Variants in ZFP82 observed in about 807,000 individuals in gnomAD.
The protein encoded by ZFP82 is zinc finger protein 82 homolog.
ZFP82 carries 30 observed loss-of-function variants against 54.0 expected under a neutral mutation model. That is an observed-to-expected ratio of 0.56 (90% CI 0.42 to 0.75). The LOEUF is 0.75. Among genes scored for constraint, ZFP82 ranks in the 30% least tolerant of loss-of-function variants. The pLI, the probability that ZFP82 is intolerant of heterozygous loss-of-function variation, is 0.00. For synonymous variants in ZFP82, 194 were observed against 209.5 expected, an observed-to-expected ratio of 0.93 and a Z score of 0.64; for missense variants, 500 against 636.8, an observed-to-expected ratio of 0.79 and a Z score of 2.31.
In ZFP82 at chr19:36,393,663, T is replaced by TA. The variant is rs1568483499; in HGVS notation, c.676dup (p.Tyr226LeufsTer2). The TA allele has an allele frequency of 3.1e-6, 5 of 1,614,184 alleles. No individual in the cohort carries two copies. The South Asian group carries it at 4.4e-5, about 14-fold the overall frequency. ...AGCTTCCCCACATTCCTTACATTCA[T>TA]AGAGTTTTTCACCAGAATGAAGTCT... On this transcript the variant is annotated frameshift_variant, in exon 5 of 5. Transcript: ENST00000392161. LOFTEE classifies it high-confidence loss of function.
In ZFP82 at chr19:36,390,335, T is replaced by C. The variant is rs2032175278; in HGVS notation, c.*2406A>G. ...AGTGTAGGATTCCATTTTTGTCTTT[T>C]TTTTTTTTTTTTTTGACATGTATTG... On this transcript the variant is annotated 3_prime_UTR_variant, in exon 5 of 5. Transcript: ENST00000392161. 6.6e-6 allele frequency: 1 copy of C among 150,976 alleles called. No individual in the cohort carries two copies. The highest frequency in any genetic ancestry group is 2.4e-5 in the African/African-American group (1 of 41,156). 9.4% of individuals were successfully genotyped at this position (150,976 alleles called of 1,614,324 possible).
intron 1 of ZFP82, among the ~76,000 whole-genome samples, chr19:36,410,714 G>A (rs376471446): frequency 6.6e-6 from 1 of 151,770 alleles, no homozygotes; most frequent in East Asian, 1.9e-4. Context: ...TATTCACCAG[G>A]CTGGTCTCGA....
intron 4 of ZFP82, among the ~76,000 whole-genome samples, chr19:36,403,195 C>T (rs2032419480): frequency 6.6e-6 from 1 of 151,474 alleles, no homozygotes. Flanking sequence ...TGGTGGCAGG[C>T]ACCTGTAATC....
chr19:36,389,297 CA>C lies in ZFP82; in HGVS notation c.*3443del, dbSNP rs1450246195. 6.6e-6 allele frequency among the ~76,000 whole-genome samples: 1 copy of C among 152,118 alleles called. No individual in the cohort carries two copies. Among genetic ancestry groups the C allele is most frequent in the Non-Finnish European group, 1.5e-5 (1 of 68,024 alleles). The stretch of plus-strand genomic sequence containing the variant: ...AAATGATCCACCCACCTTGGCCTCC[CA>C]AAGTACTGCGATTACAGGCATGAGC... On this transcript the variant is annotated 3_prime_UTR_variant, in exon 5 of 5. Coordinates refer to ENST00000392161, the MANE Select transcript of ZFP82 (RefSeq NM_133466.4).
rs185421010 is a variant in ZFP82 at position 36,415,976 on chromosome 19, A to C, written c.-79+2516T>G. On this transcript the variant is annotated intron_variant, in intron 1 of 4. Coordinates refer to ENST00000392161, the MANE Select transcript of ZFP82 (RefSeq NM_133466.4). ...CAGACAGAACAGTGTGGTAAACAAC[A>C]GTTTATCTTTTTTTCTCCACTAAGA... 1.2e-3 allele frequency among the ~76,000 whole-genome samples: 190 copies of C among 152,358 alleles called. 1 individual carries two copies. The highest frequency in any genetic ancestry group is 4.4e-3 in the African/African-American group (185 of 41,590).
intron 2 of ZFP82, 142 bp from the exon 3 acceptor site, chr19:36,408,155 A>T: frequency 1.1e-6 from 1 of 891,442 alleles, no homozygotes; most frequent in Non-Finnish European, 1.7e-6. Flanking sequence ...CAACACAGCG[A>T]GTCAGGAAAT....
chr19:36,393,462 T>G lies in ZFP82; in HGVS notation c.878A>C (p.Gln293Pro). Residue 293 changes from glutamine (Q) to proline (P), a missense_variant, in exon 5 of 5, where the codon CAG becomes CCG. Transcript: ENST00000392161. ...VCKECGKAFR[Q>P]YAHLTRHQKL... The stretch of plus-strand genomic sequence containing the variant: ...CTGATGCCGAGTCAGGTGTGCGTAC[T>G]GTCTAAAGGCTTTTCCACACTCTTT... 1 of 1,613,956 alleles carries G rather than the reference T, an allele frequency of 6.2e-7. No homozygotes were observed.
intron 1 of ZFP82, among the ~76,000 whole-genome samples, chr19:36,415,684 C>A (rs1600113212): frequency 6.6e-6 from 1 of 152,148 alleles, no homozygotes; most frequent in African/African-American, 2.4e-5. Context: ...CTGCGCCCAG[C>A]CAATTAAACT....
In ZFP82 at chr19:36,393,234, T is replaced by C. The variant is rs2032234400; in HGVS notation, c.1106A>G (p.Lys369Arg). 2.5e-6 allele frequency: 4 copies of C among 1,613,946 alleles called. No individual in the cohort carries two copies. Among genetic ancestry groups the C allele is most frequent in the Non-Finnish European group, 3.4e-6 (4 of 1,180,028 alleles). ...ACGGCTAAAGGTCTTTCCACATTCC[T>C]TACATTCATAGGGTTTCTCACCAGT... is the stretch of plus-strand genomic sequence containing the variant. ...IHTGEKPYEC[K>R]ECGKTFSRGY... Residue 369 changes from lysine (K) to arginine (R), a missense_variant, in exon 5 of 5, where the codon AAG becomes AGG. Transcript: ENST00000392161.
In ZFP82 at chr19:36,392,863, G is replaced by C; in HGVS notation, c.1477C>G (p.Leu493Val). Residue 493 changes from leucine to valine, a missense_variant, in exon 5 of 5, where the codon CTT (leucine) becomes GTT (valine). Leu to Val is a conservative substitution (Grantham distance 32). Coordinates refer to ENST00000392161, the MANE Select transcript of ZFP82 (RefSeq NM_133466.4). The stretch of plus-strand genomic sequence containing the variant: ...GAATGAATTCTCAGATGTTGAATAA[G>C]GGATGAATTAAGTCTAAAGGCCTTC... ...CRKAFRLNSSLIQHLRIHSGE... is the reference protein window; with the variant it reads ...CRKAFRLNSSVIQHLRIHSGE... 1 of 1,613,814 alleles carries C rather than the reference G, an allele frequency of 6.2e-7. No homozygotes were observed.
intron 2 of ZFP82, 71 bp from the exon 3 acceptor site, chr19:36,408,084 G>A (rs2032515708): frequency 6.5e-7 from 1 of 1,548,034 alleles, no homozygotes; most frequent in Non-Finnish European, 8.8e-7. Context: ...GAGAAAAGAA[G>A]GAAGAGATAT....
intron 1 of ZFP82, among the ~76,000 whole-genome samples, chr19:36,413,770 C>T (rs951713805): frequency 1.3e-5 from 2 of 152,098 alleles, no homozygotes; most frequent in South Asian, 4.1e-4. Flanking sequence ...ACAGTACCTA[C>T]CTTATAGGGT....
intron 3 of ZFP82, among the ~76,000 whole-genome samples, chr19:36,406,473 T>C (rs1484797829): frequency 6.6e-6 from 1 of 152,236 alleles, no homozygotes; most frequent in African/African-American, 2.4e-5. Flanking sequence ...TTTCTGGGCA[T>C]TTCATATAAA....
intron 3 of ZFP82, among the ~76,000 whole-genome samples, chr19:36,406,499 T>C (rs1434528898): frequency 1.3e-5 from 2 of 152,242 alleles, no homozygotes; most frequent in South Asian, 2.1e-4. Flanking sequence ...TCATATAATA[T>C]GTAATCTTTT....
downstream of ZFP82, among the ~76,000 whole-genome samples, chr19:36,386,283 T>C (rs913834287): frequency 1.3e-5 from 2 of 152,232 alleles, no homozygotes; most frequent in East Asian, 3.8e-4. Context: ...TGTAAGCTTG[T>C]GGTGGCAGCA....
Position 36,393,979 on chromosome 19 carries a change from A to G in ZFP82, c.361T>C (p.Trp121Arg), listed in dbSNP as rs144032300. ...GLKGLILKNDWESTGKIEGQE... is the reference protein window; with the variant it reads ...GLKGLILKNDRESTGKIEGQE... ...CCTTCAATTTTTCCTGTGGATTCCC[A>G]ATCATTTTTTAAAATGAGACCCTTA... Residue 121 changes from tryptophan to arginine, a missense_variant, in exon 5 of 5, where the codon TGG becomes CGG. Coordinates refer to ENST00000392161, the MANE Select transcript of ZFP82 (RefSeq NM_133466.4). The G allele has an allele frequency of 1.5e-5, 25 of 1,613,526 alleles. No individual in the cohort carries two copies. In the African/African-American group the frequency reaches 3.2e-4, roughly 21 times the overall value.
chr19:36,388,072 A>G (rs2032135322), downstream of ZFP82, among the ~76,000 whole-genome samples: 1 of 152,248 alleles, frequency 6.6e-6, no homozygotes, highest in Non-Finnish European at 1.5e-5. Flanking sequence ...TGACTGAATC[A>G]TGTCATTTTT....
chr19:36,404,915 G>T (rs1282093929), intron 4 of ZFP82, among the ~76,000 whole-genome samples: 3 of 152,210 alleles, frequency 2.0e-5, no homozygotes, highest in African/African-American at 7.2e-5. Flanking sequence ...TGGGCACAGT[G>T]GCTCACATCT....
intron 1 of ZFP82, 141 bp from the exon 2 acceptor site, chr19:36,410,008 CAG>C (rs150965804): frequency 0.043 from 19,854 of 467,142 alleles, no homozygotes; most frequent in South Asian, 0.06. Flanking sequence ...CACACATAGG[CAG>C]AGAGAGAGAG....
Sources: allele counts gnomAD v4.1 joint callset (sites outside exome capture counted in the v4.1 genomes callset), GRCh38; gene constraint gnomAD v4.1.1; transcripts MANE v1.5; gene names NCBI Gene and HGNC (gene_info 2026-07-23, HGNC 2026-07-21).